CDH13: variants seen among roughly 807,000 people sequenced by gnomAD.
CDH13 encodes cadherin-13.
CDH13 carries 24 observed loss-of-function variants against 63.8 expected under a neutral mutation model. The ratio of observed to expected loss-of-function variants is 0.38; its 90% CI spans 0.27 to 0.53. The LOEUF is 0.53. Ranked by LOEUF, CDH13 falls within the 20% of genes least tolerant of loss-of-function variation. CDH13 has a pLI of 0.85. For missense variants in CDH13, 1,049 were observed against 903.1 expected (o/e 1.16, Z -2.07); for synonymous variants, 503 against 355.3 (o/e 1.42, Z -4.67).
At chr16:82,693,491 G>C (rs1458483524) in intron 1 of CDH13, among the ~76,000 whole-genome samples, 1 of 152,064 alleles carries the variant, frequency 6.6e-6, no homozygotes, top group African/African-American at 2.4e-5. Flanking sequence ...CTAAACACTT[G>C]AGCTCTAAAC....
intron 2 of CDH13, among the ~76,000 whole-genome samples, chr16:82,975,637 T>C (rs969953951): frequency 6.6e-6 from 1 of 152,236 alleles, no homozygotes; most frequent in African/African-American, 2.4e-5. Flanking sequence ...ATTGTAATAA[T>C]AATTACAGTT....
At chr16:83,173,011 G>A (rs570083695) in intron 4 of CDH13, among the ~76,000 whole-genome samples, 4 of 152,176 alleles carry the variant, frequency 2.6e-5, no homozygotes, top group African/African-American at 7.2e-5. Context: ...GCGTTGTTTT[G>A]CTTGGATGTT....
intron 1 of CDH13, among the ~76,000 whole-genome samples, chr16:82,772,376 A>C (rs529511518): frequency 6.6e-6 from 1 of 152,296 alleles, no homozygotes; most frequent in East Asian, 1.9e-4. Context: ...CAGGGACAGC[A>C]TCTACTGCAG....
intron 5 of CDH13, among the ~76,000 whole-genome samples, chr16:83,264,419 A>G (rs1907348529): frequency 6.6e-6 from 1 of 152,146 alleles, no homozygotes; most frequent in Non-Finnish European, 1.5e-5. Flanking sequence ...TCAATAACAT[A>G]TGTAGAAATA....
At chr16:83,460,100 A>G (rs1383046409) in intron 6 of CDH13, among the ~76,000 whole-genome samples, 7 of 152,236 alleles carry the variant, frequency 4.6e-5, no homozygotes, top group African/African-American at 1.4e-4. Flanking sequence ...AGAGATAAAA[A>G]CAGTCATTTC....
Position 83,423,779 on chromosome 16 carries a change from T to TC in CDH13, c.782-62694dup, listed in dbSNP as rs532802289. ...TTGTGGGGACTGCAAGATGTGCAAG[T>TC]CCCCTTGTCCCTGTTCTGGTGGCCC... On this transcript the variant is annotated intron_variant, in intron 6 of 13. Transcript: ENST00000567109. Among the ~76,000 whole-genome samples the TC allele has an allele frequency of 7.0e-3, 1,070 of 152,320 alleles. 9 individuals are homozygous for TC. The highest frequency in any genetic ancestry group is 0.011 in the Non-Finnish European group (716 of 68,032).
chr16:83,293,318 C>A (rs1460267589), intron 5 of CDH13, among the ~76,000 whole-genome samples: 1 of 152,160 alleles, frequency 6.6e-6, no homozygotes, highest in African/African-American at 2.4e-5. Flanking sequence ...GAGTCACAGA[C>A]ATGTAACCTT....
intron 3 of CDH13, among the ~76,000 whole-genome samples, chr16:83,084,343 T>C (rs920537124): frequency 2.0e-5 from 3 of 152,170 alleles, no homozygotes; most frequent in Non-Finnish European, 2.9e-5. Context: ...TTGTGTCCCT[T>C]TTTACGTTCA....
At chr16:83,580,945 A>G (rs912580320) in intron 7 of CDH13, among the ~76,000 whole-genome samples, 1 of 152,230 alleles carries the variant, frequency 6.6e-6, no homozygotes, top group East Asian at 1.9e-4. Flanking sequence ...TCTTTGTTAC[A>G]TAACAGATCT....
intron 1 of CDH13, among the ~76,000 whole-genome samples, chr16:82,856,355 A>T (rs2039687620): frequency 7.0e-6 from 1 of 141,978 alleles, no homozygotes; most frequent in African/African-American, 2.6e-5. Flanking sequence ...AGCCTGGGCA[A>T]CAGAGAGAGA....
chr16:82,825,660 C>A (rs1371580552), intron 1 of CDH13: 1 of 151,868 alleles, frequency 6.6e-6, no homozygotes, highest in African/African-American at 2.4e-5. Flanking sequence ...ATTCTCCTGC[C>A]TCAGCCTCCC....
chr16:83,793,520 C>T (rs1050681800), intron 13 of CDH13, among the ~76,000 whole-genome samples: 5 of 152,164 alleles, frequency 3.3e-5, no homozygotes, highest in African/African-American at 1.2e-4. Flanking sequence ...GTGACGTTCT[C>T]AAAGTCTGCA....
intron 2 of CDH13, among the ~76,000 whole-genome samples, chr16:82,983,016 A>G (rs932638347): frequency 6.6e-6 from 1 of 152,188 alleles, no homozygotes; most frequent in Non-Finnish European, 1.5e-5. Flanking sequence ...CACGACTGAC[A>G]TGTGACCCCA....
chr16:83,571,657 G>C (rs1318257181), intron 7 of CDH13, among the ~76,000 whole-genome samples: 4 of 152,108 alleles, frequency 2.6e-5, no homozygotes, highest in Admixed American at 2.6e-4. Flanking sequence ...TCCAGCACAG[G>C]CAGTTTGCTC....
At chr16:83,637,242 T>C (rs1036263120) in intron 8 of CDH13, among the ~76,000 whole-genome samples, 5 of 143,120 alleles carry the variant, frequency 3.5e-5, no homozygotes, top group African/African-American at 1.4e-4. Context: ...TAGAAAAATT[T>C]AACAGATCTC....
chr16:82,874,394 C>T (rs887564242), intron 2 of CDH13, among the ~76,000 whole-genome samples: 61 of 151,996 alleles, frequency 4.0e-4, no homozygotes, highest in African/African-American at 1.4e-3. Flanking sequence ...TCAGCCCACC[C>T]CTCAACCCCT....
chr16:83,099,693 C>G (rs973487578), intron 3 of CDH13, among the ~76,000 whole-genome samples: 12 of 150,474 alleles, frequency 8.0e-5, no homozygotes, highest in African/African-American at 2.9e-4. Context: ...TTTCTTTTAA[C>G]TTTGAACCAT....
At chr16:82,815,366 C>T (rs566411206) in intron 1 of CDH13, among the ~76,000 whole-genome samples, 2 of 151,996 alleles carry the variant, frequency 1.3e-5, no homozygotes, top group African/African-American at 4.8e-5. Flanking sequence ...ATGATGGAGA[C>T]GATAATGGTA....
intron 4 of CDH13, among the ~76,000 whole-genome samples, chr16:83,137,024 A>C (rs1230864111): frequency 1.3e-5 from 2 of 152,204 alleles, no homozygotes; most frequent in East Asian, 3.9e-4. Context: ...TCAGCACGGC[A>C]CTGGCCTTGG....
Sources: allele counts gnomAD v4.1 joint callset (sites outside exome capture counted in the v4.1 genomes callset), GRCh38; gene constraint gnomAD v4.1.1; transcripts MANE v1.5; gene names NCBI Gene and HGNC (gene_info 2026-07-23, HGNC 2026-07-21).